Variants in ATP2A1 observed in about 807,000 individuals in gnomAD.
ATP2A1 encodes sarcoplasmic/endoplasmic reticulum calcium ATPase 1.
Under a neutral mutation model 109.5 loss-of-function variants are expected in ATP2A1, and 83 were observed. The ratio of observed to expected loss-of-function variants is 0.76; its 90% CI spans 0.63 to 0.91. The LOEUF is 0.91. Ranked by LOEUF, ATP2A1 falls within the 40% of genes least tolerant of loss-of-function variation. The probability of loss-of-function intolerance (pLI) is 0.00; values close to 1 mark genes in which losing one functional copy is unlikely to be tolerated. For synonymous variants in ATP2A1, 505 were observed against 537.6 expected (o/e 0.94, Z 0.84); for missense variants, 1,101 against 1,341.0 (o/e 0.82, Z 2.80).
In ATP2A1 at chr16:28,904,233, C is replaced by A; in HGVS notation, c.*91C>A. On this transcript the variant is annotated 3_prime_UTR_variant, in exon 23 of 23. Transcript: ENST00000395503. ...ATCCTTTTGCTCTGTCCTCCCCACCCCGATAGTGACACATCTTCAGGCAGA... is the reference window on the plus strand; with the variant it reads ...ATCCTTTTGCTCTGTCCTCCCCACCACGATAGTGACACATCTTCAGGCAGA... 6.2e-7 allele frequency: 1 copy of A among 1,613,738 alleles called. No individual in the cohort carries two copies. Among genetic ancestry groups the A allele is most frequent in the Non-Finnish European group, 8.5e-7 (1 of 1,179,778 alleles).
rs1160741512 is a variant in ATP2A1 at position 28,878,761 on chromosome 16, G to A, written c.90G>A (p.Lys30=). ...ETTGLTPDQV[K]RNLEKYGLNE... is the part of the protein sequence containing the mutation. ...CGGGCCTCACCCCGGACCAAGTTAA[G>A]CGGAATCTGGAGAAATACGGCCTCA... Residue 30 remains lysine, a synonymous_variant, in exon 1 of 23, where the codon AAG becomes AAA. Coordinates refer to ENST00000395503, the MANE Select transcript of ATP2A1 (RefSeq NM_004320.6). 2 of 1,613,984 alleles carry A rather than the reference G, an allele frequency of 1.2e-6. No individual in the cohort carries two copies. The highest frequency in any genetic ancestry group is 2.2e-5 in the South Asian group (2 of 91,044).
At chr16:28,895,423 C>T (rs960046264) in intron 12 of ATP2A1, among the ~76,000 whole-genome samples, 1 of 152,212 alleles carries the variant, frequency 6.6e-6, no homozygotes, top group African/African-American at 2.4e-5. Context: ...TTGATACTTG[C>T]TGAACGTCTC....
In ATP2A1 at chr16:28,902,082, T is replaced by C; in HGVS notation, c.2320T>C (p.Cys774Arg). 1 of 1,614,204 alleles carries C rather than the reference T, an allele frequency of 6.2e-7. No individual in the cohort carries two copies. Among genetic ancestry groups the C allele is most frequent in the Non-Finnish European group, 8.5e-7 (1 of 1,180,022 alleles). ...LISSNVGEVV[C>R]IFLTAALGLP... ...TTCCTCCAACGTGGGCGAGGTGGTC[T>C]GGTGAGCAGCTGGGTGGGCGTCCAG... Residue 774 changes from cysteine (C) to arginine (R), a missense_variant and splice_region_variant, in exon 16 of 23, where the codon TGT becomes CGT. Physicochemically the swap from Cys to Arg is radical, Grantham distance 180 (BLOSUM62 -3). Coordinates refer to ENST00000395503, the MANE Select transcript of ATP2A1 (RefSeq NM_004320.6). This position sits in a 1 kb window ranked among gnomAD's most constrained non-coding sequence, Gnocchi z 4.8.
rs1555516760 is a variant in ATP2A1, at chr16:28,898,742, TA to T, written c.1764+301del. Among the ~76,000 whole-genome samples, 51 of 134,086 alleles carry T rather than the reference TA, an allele frequency of 3.8e-4. No homozygotes were observed. Among genetic ancestry groups the T allele is most frequent in the Admixed American group, 1.8e-3 (24 of 13,694 alleles). The allele number at this position is 134,086 out of a possible 152,430, so 88.0% of individuals were successfully genotyped here. On this transcript the variant is annotated intron_variant, in intron 14 of 22. Transcript: ENST00000395503. The surrounding 1 kb of genome is among the most constrained non-coding windows in gnomAD (Gnocchi z 4.0). ...AATGAAGTGAGAACCCCATCTCTATTAAAAAAAAAATTTTTTTAATTACCTG... is the reference window on the plus strand; with the variant it reads ...AATGAAGTGAGAACCCCATCTCTATTAAAAAAAAATTTTTTTAATTACCTG...
chr16:28,902,888 C>T lies in ATP2A1; in HGVS notation c.2721C>T (p.Ile907=), dbSNP rs541644982. Residue 907 remains isoleucine, a synonymous_variant, in exon 19 of 23, where the codon ATC becomes ATT. Transcript: ENST00000395503. The surrounding 1 kb of genome is among the most constrained non-coding windows in gnomAD (Gnocchi z 4.8). ...MTMALSVLVT[I]EMCNALNSLS... is the part of the protein sequence containing the mutation. ...TGGCCCTGTCCGTGCTGGTGACCATCGAGATGTGCAATGCACTGAACAGGT... is the reference window on the plus strand; with the variant it reads ...TGGCCCTGTCCGTGCTGGTGACCATTGAGATGTGCAATGCACTGAACAGGT... 42 of 1,613,896 alleles carry T rather than the reference C, an allele frequency of 2.6e-5. No homozygotes were observed. The highest frequency in any genetic ancestry group is 4.5e-5 in the East Asian group (2 of 44,880).
chr16:28,901,940 G>A lies in ATP2A1; in HGVS notation c.2178G>A (p.Val726=). ...TTGCCATGGGATCTGGCACTGCCGT[G>A]GCCAAGACTGCCTCTGAGATGGTGC... The part of the protein sequence containing the change: ...IGIAMGSGTA[V]AKTASEMVLA... The change falls in exon 16 of 23, where the codon GTG becomes GTA. Residue 726 remains valine (V), a synonymous_variant. Coordinates refer to ENST00000395503, the MANE Select transcript of ATP2A1 (RefSeq NM_004320.6). 1.9e-6 allele frequency: 3 copies of A among 1,614,242 alleles called. No individual in the cohort carries two copies. The highest frequency in any genetic ancestry group is 1.7e-6 in the Non-Finnish European group (2 of 1,180,040).
intron 14 of ATP2A1, among the ~76,000 whole-genome samples, chr16:28,899,516 G>A (rs1964006025): frequency 6.6e-6 from 1 of 151,900 alleles, no homozygotes. Context: ...GTGGGCACCT[G>A]TAATCCCAGC....
At chr16:28,890,858 G>C (rs1963750987) in intron 9 of ATP2A1, among the ~76,000 whole-genome samples, 2 of 151,368 alleles carry the variant, frequency 1.3e-5, no homozygotes, top group African/African-American at 4.8e-5. Flanking sequence ...GCTAATTTTT[G>C]TATTTTTAGT....
rs759667208 is a variant in ATP2A1, at chr16:28,879,495, C to A, written c.137-6C>A. On this transcript the variant is annotated splice_region_variant and splice_polypyrimidine_tract_variant and intron_variant, in intron 2 of 22. Coordinates refer to ENST00000395503, the MANE Select transcript of ATP2A1 (RefSeq NM_004320.6). ...CCCGGGGCCCTCCCCTTGCCTCCTC[C>A]CCCAGGGAAGACCCTGTGGGAGCTG... is the stretch of plus-strand genomic sequence containing the variant. 6.2e-7 allele frequency: 1 copy of A among 1,614,020 alleles called. No homozygotes were observed. The highest frequency in any genetic ancestry group is 8.5e-7 in the Non-Finnish European group (1 of 1,179,890).
At chr16:28,887,084 G>A (rs962538719) in intron 6 of ATP2A1, 105 bp from the exon 7 acceptor site, 3 of 1,209,404 alleles carry the variant, frequency 2.5e-6, no homozygotes, top group Non-Finnish European at 3.7e-6. Flanking sequence ...TGGCTACTTG[G>A]TCCTTACCAG....
In ATP2A1 at chr16:28,883,851, C is replaced by T. The variant is rs1011899085; in HGVS notation, c.464-724C>T. On this transcript the variant is annotated intron_variant, in intron 5 of 22. Transcript: ENST00000395503. The surrounding 1 kb of genome is among the most constrained non-coding windows in gnomAD (Gnocchi z 5.2). Reference sequence around the variant, plus strand: ...TCCCCAGCTCACTCTCCCTGGCTCCCCGCCTCCCTGCCTCCCTGAGATGCT... The same window carrying T: ...TCCCCAGCTCACTCTCCCTGGCTCCTCGCCTCCCTGCCTCCCTGAGATGCT... Among the ~76,000 whole-genome samples the T allele has an allele frequency of 7.2e-5, 11 of 152,230 alleles. No individual in the cohort carries two copies. Among genetic ancestry groups the T allele is most frequent in the Admixed American group, 3.3e-4 (5 of 15,278 alleles).
In ATP2A1 at chr16:28,903,467, C is replaced by A. The variant is rs778185790; in HGVS notation, c.2980+27C>A. The A allele has an allele frequency of 6.3e-7, 1 of 1,589,700 alleles. No homozygotes were observed. The highest frequency in any genetic ancestry group is 1.1e-5 in the South Asian group (1 of 90,574). ...TAAGGAGTGCCCTCTCTGTCCCAAG[C>A]CCTGGCCCCACCACAGCCCCTTCCC... is the stretch of plus-strand genomic sequence containing the variant. On this transcript the variant is annotated intron_variant, in intron 21 of 22. Transcript: ENST00000395503. This position sits in a 1 kb window ranked among gnomAD's most constrained non-coding sequence, Gnocchi z 5.6.
Position 28,901,930 on chromosome 16 carries a change from G to A in ATP2A1, c.2168G>A (p.Gly723Asp), listed in dbSNP as rs1964086348. 1 of 1,614,134 alleles carries A rather than the reference G, an allele frequency of 6.2e-7. No individual in the cohort carries two copies. Among genetic ancestry groups the A allele is most frequent in the Non-Finnish European group, 8.5e-7 (1 of 1,180,050 alleles). The change falls in exon 16 of 23, where the codon GGC becomes GAC. Residue 723 changes from glycine (G) to aspartate (D), a missense_variant. Transcript: ENST00000395503. ...GAGATTGGCATTGCCATGGGATCTG[G>A]CACTGCCGTGGCCAAGACTGCCTCT... Reference protein sequence around the residue: ...KAEIGIAMGSGTAVAKTASEM... With the variant: ...KAEIGIAMGSDTAVAKTASEM...
chr16:28,878,665 G>GAGC lies in ATP2A1; in HGVS notation c.-5_-3dup, dbSNP rs761833877. 8 of 1,592,166 alleles carry GAGC rather than the reference G, an allele frequency of 5.0e-6. No individual in the cohort carries two copies. The East Asian group carries it at 1.8e-4, about 36-fold the overall frequency. ...ACACCGGCCCCGGCCCCCAGGAAGG[G>GAGC]AGCACAATGGAGGCCGCTCATGCTA... On this transcript the variant is annotated 5_prime_UTR_variant, in exon 1 of 23. Coordinates refer to ENST00000395503, the MANE Select transcript of ATP2A1 (RefSeq NM_004320.6).
intron 15 of ATP2A1, 86 bp downstream of exon 15, chr16:28,901,002 G>C: frequency 1.3e-6 from 2 of 1,529,276 alleles, no homozygotes; most frequent in East Asian, 2.3e-5. Context: ...CAGGGCCAGA[G>C]GGCCCTGGTA....
At chr16:28,881,049 T>A (rs370225297) in intron 4 of ATP2A1, 30 bp downstream of exon 4, 122 of 1,600,008 alleles carry the variant, frequency 7.6e-5, no homozygotes, top group Non-Finnish European at 9.9e-5. Context: ...TACCCCTTCA[T>A]GTCCCAACAG....
chr16:28,900,932 C>A lies in ATP2A1; in HGVS notation c.2100+16C>A, dbSNP rs532144302. 100 of 1,613,752 alleles carry A rather than the reference C, an allele frequency of 6.2e-5. 2 individuals carry two copies. In the South Asian group the frequency reaches 1.0e-3, roughly 16 times the overall value. ...CACAGCCATGGTGAGAGGGCCCAGGCAGCTGCAGCCTTAGTGTCCACGGAG... is the reference window on the plus strand; with the variant it reads ...CACAGCCATGGTGAGAGGGCCCAGGAAGCTGCAGCCTTAGTGTCCACGGAG... On this transcript the variant is annotated intron_variant, in intron 15 of 22. Transcript: ENST00000395503.
rs1964141865 is a variant in ATP2A1 at position 28,903,253 on chromosome 16, G to A, written c.2863-70G>A. On this transcript the variant is annotated intron_variant, in intron 20 of 22. Coordinates refer to ENST00000395503, the MANE Select transcript of ATP2A1 (RefSeq NM_004320.6). The surrounding 1 kb of genome is among the most constrained non-coding windows in gnomAD (Gnocchi z 5.6). ...GCCGATGTGGGAGGCTGGTGGGAGT[G>A]GGCTGGGCAGTGCTGGTCTCTGGCT... 5 of 1,570,828 alleles carry A rather than the reference G, an allele frequency of 3.2e-6. No homozygotes were observed. The highest frequency in any genetic ancestry group is 1.7e-5 in the Admixed American group (1 of 59,948).
intron 22 of ATP2A1, 67 bp from the exon 23 acceptor site, chr16:28,904,113 G>A (rs1964177312): frequency 7.0e-7 from 1 of 1,424,664 alleles, no homozygotes; most frequent in South Asian, 1.2e-5. Flanking sequence ...GTGCCTGGGA[G>A]ATGCACCTGG....
Sources: allele counts gnomAD v4.1 joint callset (sites outside exome capture counted in the v4.1 genomes callset), GRCh38; gene constraint gnomAD v4.1.1; non-coding constraint Gnocchi (gnomAD v3.1); transcripts MANE v1.5; gene names NCBI Gene and HGNC (gene_info 2026-07-23, HGNC 2026-07-21).